Variants in IGSF10 observed in about 807,000 individuals in gnomAD.
IGSF10 encodes the protein calvaria mechanical force protein 608.
Under a neutral mutation model 128.2 loss-of-function variants are expected in IGSF10, and 126 were observed. The ratio of observed to expected loss-of-function variants is 0.98; its 90% CI spans 0.85 to 1.14. The LOEUF (loss-of-function observed/expected upper bound fraction) is 1.14. IGSF10 is among the 50% of genes most tolerant of loss of function. The pLI is 0.00. For synonymous variants in IGSF10, 1,185 were observed against 1,146.2 expected (o/e 1.03, Z -0.68); for missense variants, 3,295 against 3,149.8 (o/e 1.05, Z -1.10).
chr3:151,510,512 G>A, the IGSF10 span, among the ~76,000 whole-genome samples: 2 of 152,102 alleles, frequency 1.3e-5, no homozygotes, highest in East Asian at 3.9e-4. Context: ...CAAAGACGGG[G>A]AAAAAACAGA....
At chr3:151,456,970 A>G in intron 4 of IGSF10, 56 bp downstream of exon 4, 1 of 1,589,304 alleles carries the variant, frequency 6.3e-7, no homozygotes, top group Admixed American at 1.7e-5. Context: ...TTGAAGGTCT[A>G]TCTCACAGGT....
the IGSF10 span, among the ~76,000 whole-genome samples, chr3:151,564,879 A>G: frequency 6.6e-6 from 1 of 152,150 alleles, no homozygotes. Flanking sequence ...AAAAGTAAGA[A>G]TCATGGTAAT....
At chr3:151,605,972 A>G in the IGSF10 span, among the ~76,000 whole-genome samples, 1 of 152,170 alleles carries the variant, frequency 6.6e-6, no homozygotes, top group African/African-American at 2.4e-5. Flanking sequence ...ACTTGTTTCT[A>G]TAAGTTCCCA....
rs140354292 is a variant in IGSF10 at position 151,436,707 on chromosome 3, C to T, written c.7854G>A (p.Thr2618=). ...TTTCATGTCAGATTACTTGAATATA[C>T]GTTGCTGCATAATCACTACCAAGTG... The part of the protein sequence containing the change: ...KNPLGSDYAA[T]YIQVI The change falls in exon 8 of 8, where the codon ACG becomes ACA. Residue 2618 remains threonine, a synonymous_variant. Coordinates refer to ENST00000282466, the MANE Select transcript of IGSF10 (RefSeq NM_178822.5). The T allele has an allele frequency of 2.9e-5, 47 of 1,605,480 alleles. No homozygotes were observed. The African/African-American group carries it at 4.7e-4, about 16-fold the overall frequency.
the IGSF10 span, chr3:151,566,086 T>G: frequency 1.3e-5 from 2 of 153,138 alleles, no homozygotes; most frequent in African/African-American, 4.8e-5. Flanking sequence ...CTTATAAAAT[T>G]GCCACAAAGT....
chr3:151,518,519 C>T, the IGSF10 span, among the ~76,000 whole-genome samples: 1 of 151,986 alleles, frequency 6.6e-6, no homozygotes, highest in Non-Finnish European at 1.5e-5. Context: ...AATCACTAAG[C>T]AATGAGTACA....
chr3:151,549,611 T>A, the IGSF10 span, among the ~76,000 whole-genome samples: 1 of 152,216 alleles, frequency 6.6e-6, no homozygotes, highest in South Asian at 2.1e-4. Context: ...TATCACTCAT[T>A]CATATTACAG....
chr3:151,607,118 G>T, the IGSF10 span, among the ~76,000 whole-genome samples: 1 of 152,096 alleles, frequency 6.6e-6, no homozygotes, highest in Non-Finnish European at 1.5e-5. Flanking sequence ...ATATTCTTGA[G>T]CTTAAAGAGA....
intron 6 of IGSF10, among the ~76,000 whole-genome samples, chr3:151,444,393 C>T (rs766189346): frequency 3.0e-4 from 46 of 152,260 alleles, no homozygotes; most frequent in Middle Eastern, 6.8e-3. Flanking sequence ...CTGCAACCTC[C>T]GCCTCCCAGG....
chr3:151,475,860 C>G, the IGSF10 span: 1 of 160,842 alleles, frequency 6.2e-6, no homozygotes, highest in Non-Finnish European at 1.4e-5. Context: ...AGGTGTTCAG[C>G]TTTTTCTTCT....
chr3:151,537,457 T>C, the IGSF10 span, among the ~76,000 whole-genome samples: 2 of 152,208 alleles, frequency 1.3e-5, no homozygotes, highest in African/African-American at 2.4e-5. Context: ...GTCTGCACTC[T>C]TTAGATGGAG....
chr3:151,589,293 G>A, the IGSF10 span, among the ~76,000 whole-genome samples: 1 of 152,198 alleles, frequency 6.6e-6, no homozygotes, highest in Non-Finnish European at 1.5e-5. Flanking sequence ...ACTGTTGGGA[G>A]AAGAATATTA....
chr3:151,589,920 T>C, the IGSF10 span, among the ~76,000 whole-genome samples: 1 of 152,252 alleles, frequency 6.6e-6, no homozygotes, highest in African/African-American at 2.4e-5. Context: ...ATGTCTTCAG[T>C]GGTGACCAAC....
chr3:151,568,016 C>T, the IGSF10 span, among the ~76,000 whole-genome samples: 6 of 152,024 alleles, frequency 3.9e-5, no homozygotes, highest in African/African-American at 1.4e-4. Context: ...TAAAACAAAG[C>T]CTCTCTCTCT....
downstream of IGSF10, chr3:151,435,468 G>GCTAACTAA (rs112829133): frequency 2.0e-5 from 3 of 152,240 alleles, no homozygotes; most frequent in African/African-American, 7.2e-5. Flanking sequence ...CTGAGATGGG[G>GCTAACTAA]CTAACTGAAA....
chr3:151,598,380 AT>A, the IGSF10 span, among the ~76,000 whole-genome samples: 2 of 151,914 alleles, frequency 1.3e-5, no homozygotes. Context: ...AAAACTCTTG[AT>A]TGTTTGAATA....
At chr3:151,549,925 T>C in the IGSF10 span, among the ~76,000 whole-genome samples, 1 of 152,110 alleles carries the variant, frequency 6.6e-6, no homozygotes, top group Admixed American at 6.6e-5. Context: ...CATATTGAAA[T>C]TAATAACAGC....
At chr3:151,525,002 CT>C in the IGSF10 span, among the ~76,000 whole-genome samples, 46 of 49,728 alleles carry the variant, frequency 9.3e-4, no homozygotes, top group Non-Finnish European at 1.3e-3. Flanking sequence ...TGCATTACAC[CT>C]TTTTTTTTTT....
At chr3:151,521,476 C>G in the IGSF10 span, among the ~76,000 whole-genome samples, 2 of 151,938 alleles carry the variant, frequency 1.3e-5, no homozygotes, top group Non-Finnish European at 2.9e-5. Flanking sequence ...CAATCCTCAG[C>G]AAATGCAATA....
Sources: allele counts gnomAD v4.1 joint callset (sites outside exome capture counted in the v4.1 genomes callset), GRCh38; gene constraint gnomAD v4.1.1; transcripts MANE v1.5; gene names NCBI Gene and HGNC (gene_info 2026-07-23, HGNC 2026-07-21).